The following ARHGAP24 variants were observed in gnomAD, a reference collection of about 807,000 sequenced individuals.
ARHGAP24 encodes rho GTPase-activating protein 24.
Under a neutral mutation model 76.4 loss-of-function variants are expected in ARHGAP24, and 50 were observed. The ratio of observed to expected loss-of-function variants is 0.65; its 90% CI spans 0.52 to 0.83. ARHGAP24 has a LOEUF of 0.83. Among genes scored for constraint, ARHGAP24 ranks in the 40% least tolerant of loss-of-function variants. ARHGAP24 has a pLI of 0.00. For synonymous variants in ARHGAP24, 345 were observed against 323.3 expected (o/e 1.07, Z -0.72); for missense variants, 930 against 914.2 (o/e 1.02, Z -0.22).
intron 2 of ARHGAP24, among the ~76,000 whole-genome samples, chr4:85,597,440 G>A (rs924421725): frequency 1.3e-5 from 2 of 151,978 alleles, no homozygotes; most frequent in Non-Finnish European, 2.9e-5. Context: ...AGGGACGGAT[G>A]GGGAAGGAGG....
At chr4:85,666,396 T>G (rs1225569541) in intron 2 of ARHGAP24, among the ~76,000 whole-genome samples, 2 of 152,228 alleles carry the variant, frequency 1.3e-5, no homozygotes, top group African/African-American at 4.8e-5. Flanking sequence ...TACATTTGTC[T>G]AAATTTTTTT....
chr4:85,968,495 A>G (rs538726727), intron 5 of ARHGAP24, among the ~76,000 whole-genome samples: 1 of 152,266 alleles, frequency 6.6e-6, no homozygotes, highest in East Asian at 1.9e-4. Flanking sequence ...ATTGAAGTAA[A>G]TATTAATTTG....
intron 3 of ARHGAP24, among the ~76,000 whole-genome samples, chr4:85,740,228 T>G (rs1038706696): frequency 1.3e-5 from 2 of 151,618 alleles, no homozygotes; most frequent in African/African-American, 2.4e-5. Context: ...GTTGGGGTTT[T>G]TTTTTTTTTT....
intron 2 of ARHGAP24, among the ~76,000 whole-genome samples, chr4:85,689,948 C>CA (rs34318238): frequency 0.39 from 59,001 of 151,984 alleles, 13,260 homozygotes; most frequent in African/African-American, 0.62. Flanking sequence ...TTCCACTTCT[C>CA]AGGGGGAATG....
At chr4:85,767,420 A>G (rs938919827) in intron 3 of ARHGAP24, among the ~76,000 whole-genome samples, 1 of 152,122 alleles carries the variant, frequency 6.6e-6, no homozygotes, top group Admixed American at 6.5e-5. Flanking sequence ...CATACACCTC[A>G]CACATTCACA....
intron 2 of ARHGAP24, among the ~76,000 whole-genome samples, chr4:85,693,010 A>G (rs144145079): frequency 1.9e-4 from 29 of 152,334 alleles, no homozygotes; most frequent in African/African-American, 6.7e-4. Context: ...CCCTCTGCAC[A>G]GGGTCTTTAT....
chr4:85,581,559 G>A (rs1381898999), intron 2 of ARHGAP24, among the ~76,000 whole-genome samples: 1 of 152,098 alleles, frequency 6.6e-6, no homozygotes, highest in African/African-American at 2.4e-5. Flanking sequence ...TGTAGTACTG[G>A]CCTTGCTTGA....
At chr4:85,999,601 A>G (rs2148875718) in intron 9 of ARHGAP24, among the ~76,000 whole-genome samples, 1 of 152,306 alleles carries the variant, frequency 6.6e-6, no homozygotes, top group African/African-American at 2.4e-5. Flanking sequence ...TCAGAATAGG[A>G]GAAATTAAAA....
intron 3 of ARHGAP24, among the ~76,000 whole-genome samples, chr4:85,826,896 A>G (rs1476286674): frequency 1.3e-5 from 2 of 152,244 alleles, no homozygotes; most frequent in Non-Finnish European, 2.9e-5. Context: ...TTAAGTCATT[A>G]TTTACCTATT....
chr4:85,517,947 G>A (rs1482097005), intron 1 of ARHGAP24, among the ~76,000 whole-genome samples: 2 of 152,148 alleles, frequency 1.3e-5, no homozygotes, highest in East Asian at 3.9e-4. Flanking sequence ...AGGCAGAAGG[G>A]GTGTCACAGG....
intron 4 of ARHGAP24, chr4:85,924,818 A>G (rs571368564): frequency 1.3e-5 from 2 of 152,330 alleles, no homozygotes; most frequent in South Asian, 4.1e-4. Flanking sequence ...TTTGTAATAT[A>G]TCTATGTTTT....
chr4:85,560,545 A>G (rs1578035903), intron 1 of ARHGAP24, among the ~76,000 whole-genome samples: 1 of 152,292 alleles, frequency 6.6e-6, no homozygotes, highest in South Asian at 2.1e-4. Context: ...GTTTTGAACA[A>G]TTTAATCAAG....
intron 8 of ARHGAP24, chr4:85,991,868 G>C (rs891383402): frequency 3.0e-6 from 1 of 328,630 alleles, no homozygotes; most frequent in African/African-American, 2.1e-5. Flanking sequence ...AATACAAATT[G>C]AAACTATATT....
At chr4:85,660,818 T>G (rs1457809170) in intron 2 of ARHGAP24, among the ~76,000 whole-genome samples, 3 of 32,358 alleles carry the variant, frequency 9.3e-5, no homozygotes, top group Non-Finnish European at 1.7e-4. Flanking sequence ...AAAAAAAAAA[T>G]CTGTAGATGG....
chr4:85,954,844 C>T (rs1289861739), intron 5 of ARHGAP24, among the ~76,000 whole-genome samples: 1 of 152,152 alleles, frequency 6.6e-6, no homozygotes, highest in East Asian at 1.9e-4. Flanking sequence ...CCTGTCTCTA[C>T]TAAAAAATAC....
chr4:85,621,020 G>T (rs1720699436), intron 2 of ARHGAP24, among the ~76,000 whole-genome samples: 1 of 151,962 alleles, frequency 6.6e-6, no homozygotes, highest in African/African-American at 2.4e-5. Flanking sequence ...TTGTAAGTGG[G>T]AACATGCAGT....
intron 2 of ARHGAP24, among the ~76,000 whole-genome samples, chr4:85,600,134 G>A (rs1719985965): frequency 1.3e-5 from 2 of 152,132 alleles, no homozygotes; most frequent in Non-Finnish European, 2.9e-5. Flanking sequence ...GTGAGAGGAG[G>A]GAACAACAGT....
chr4:85,598,748 T>G (rs1464551496), intron 2 of ARHGAP24, among the ~76,000 whole-genome samples: 9 of 147,068 alleles, frequency 6.1e-5, no homozygotes, highest in African/African-American at 1.0e-4. Flanking sequence ...TTTGTTTTGT[T>G]TTTTTTTTTT....
At chr4:85,556,638 T>C (rs1375443878) in intron 1 of ARHGAP24, among the ~76,000 whole-genome samples, 1 of 152,128 alleles carries the variant, frequency 6.6e-6, no homozygotes, top group East Asian at 1.9e-4. Flanking sequence ...GTTAATCATA[T>C]TGGGGGCCCA....
Sources: gnomAD v4.1 joint callset for allele counts (sites outside exome capture counted in the v4.1 genomes callset) on GRCh38, gnomAD v4.1.1 for gene constraint, MANE v1.5 for transcripts, NCBI Gene and HGNC (gene_info 2026-07-23, HGNC 2026-07-21) for gene names.